FAM13C: variants seen among roughly 807,000 people sequenced by gnomAD.
FAM13C encodes family with sequence similarity 13 member C.
Under a neutral mutation model 73.2 loss-of-function variants are expected in FAM13C, and 37 were observed. The observed-to-expected ratio is 0.51, with a 90% CI of 0.39 to 0.67. The LOEUF (loss-of-function observed/expected upper bound fraction) is 0.67, where lower values mean the gene tolerates loss of function less well. Among genes scored for constraint, FAM13C ranks in the 30% least tolerant of loss-of-function variants. The probability of loss-of-function intolerance (pLI) is 0.00; values close to 1 mark genes in which losing one functional copy is unlikely to be tolerated. For synonymous variants in FAM13C, 246 were observed against 260.9 expected, an observed-to-expected ratio of 0.94 and a Z score of 0.55; for missense variants, 589 against 715.6, an observed-to-expected ratio of 0.82 and a Z score of 2.02.
chr10:59,315,052 G>T (rs1018133409), intron 4 of FAM13C, among the ~76,000 whole-genome samples: 2 of 152,102 alleles, frequency 1.3e-5, no homozygotes, highest in African/African-American at 2.4e-5. Context: ...AGTCATGTCT[G>T]TCCCAAAGTA....
At chr10:59,339,801 G>C (rs1853255409) in intron 3 of FAM13C, among the ~76,000 whole-genome samples, 1 of 152,132 alleles carries the variant, frequency 6.6e-6, no homozygotes, top group African/African-American at 2.4e-5. Flanking sequence ...GCATAGGGCA[G>C]GTTGTTTTCA....
chr10:59,265,319 T>TG (rs1554811296), intron 8 of FAM13C, among the ~76,000 whole-genome samples: 1 of 2,292 alleles, frequency 4.4e-4, no homozygotes, highest in African/African-American at 5.2e-4. Flanking sequence ...GAAGGGGTTT[T>TG]GGCGGGGGGG....
At chr10:59,317,850 C>G (rs1849725615) in intron 4 of FAM13C, among the ~76,000 whole-genome samples, 1 of 151,994 alleles carries the variant, frequency 6.6e-6, no homozygotes, top group South Asian at 2.1e-4. Context: ...CCCATTAACT[C>G]GTCATTTAGC....
At chr10:59,321,432 CTT>C (rs1057110939) in intron 4 of FAM13C, among the ~76,000 whole-genome samples, 36 of 58,096 alleles carry the variant, frequency 6.2e-4, no homozygotes, top group Middle Eastern at 0.01. Context: ...CTGCCAACAC[CTT>C]TTTTTTTTTT....
intron 2 of FAM13C, among the ~76,000 whole-genome samples, chr10:59,354,698 GA>G (rs920716822): frequency 5.3e-5 from 8 of 149,748 alleles, no homozygotes; most frequent in South Asian, 2.1e-4. Context: ...ATTTGCAAAG[GA>G]AAAAAAAAGG....
At chr10:59,317,754 A>AT (rs1849713498) in intron 4 of FAM13C, among the ~76,000 whole-genome samples, 1 of 151,330 alleles carries the variant, frequency 6.6e-6, no homozygotes, top group Non-Finnish European at 1.5e-5. Flanking sequence ...TTCTTTTATT[A>AT]TTATTATACT....
intron 5 of FAM13C, among the ~76,000 whole-genome samples, chr10:59,294,917 G>A (rs1846713666): frequency 6.6e-6 from 1 of 152,180 alleles, no homozygotes; most frequent in Admixed American, 6.5e-5. Context: ...AATTACCTTG[G>A]AGATCATGCT....
At chr10:59,348,914 GT>G (rs1474380729) in intron 3 of FAM13C, among the ~76,000 whole-genome samples, 2 of 152,140 alleles carry the variant, frequency 1.3e-5, no homozygotes, top group African/African-American at 4.8e-5. Flanking sequence ...GATTACAGGC[GT>G]GAGCCACAAT....
At chr10:59,316,718 C>T (rs284627) in intron 4 of FAM13C, among the ~76,000 whole-genome samples, 149,550 of 152,296 alleles carry the variant, frequency 0.98, 73,472 homozygotes, top group Non-Finnish European at 1. Context: ...AAAGGTACAG[C>T]AAAAATATGG....
intron 3 of FAM13C, among the ~76,000 whole-genome samples, chr10:59,341,693 GA>G (rs1295045318): frequency 6.6e-6 from 1 of 151,790 alleles, no homozygotes; most frequent in East Asian, 1.9e-4. Flanking sequence ...CCTCCTTCTC[GA>G]AAAAAGGAAA....
At chr10:59,252,022 G>A (rs1038713294) in intron 12 of FAM13C, among the ~76,000 whole-genome samples, 2 of 152,128 alleles carry the variant, frequency 1.3e-5, no homozygotes, top group Non-Finnish European at 2.9e-5. Flanking sequence ...GTCATAGACT[G>A]AACATAAGAG....
In FAM13C at chr10:59,361,155, T is replaced by C. The variant is rs565928383; in HGVS notation, c.62+1244A>G. ...CAGCACAGGTTACCAAGCAATCTTA[T>C]AAACAGAATGTGGGTCCAAATGAGT... is the stretch of plus-strand genomic sequence containing the variant. On this transcript the variant is annotated intron_variant, in intron 1 of 13. Coordinates refer to ENST00000618804, the MANE Select transcript of FAM13C (RefSeq NM_198215.4). The C allele has an allele frequency of 4.6e-5, 57 of 1,238,648 alleles. No homozygotes were observed. The South Asian group carries it at 6.3e-4, about 14-fold the overall frequency. 76.7% of individuals were successfully genotyped at this position (1,238,648 alleles called of 1,614,324 possible).
chr10:59,268,313 A>G (rs940342057), intron 8 of FAM13C, among the ~76,000 whole-genome samples: 1 of 152,210 alleles, frequency 6.6e-6, no homozygotes, highest in Non-Finnish European at 1.5e-5. Flanking sequence ...TCAATAATCA[A>G]ATAAGTTTGG....
In FAM13C at chr10:59,332,175, T is replaced by C. The variant is rs1483156079; in HGVS notation, c.325-8069A>G. On this transcript the variant is annotated intron_variant, in intron 3 of 13. Transcript: ENST00000618804. ...TTAAATCAAAACTCAAGCTGCAAAA[T>C]AATGTATATATAGTAAGAACCCACA... 2.6e-5 allele frequency among the ~76,000 whole-genome samples: 4 copies of C among 152,100 alleles called. No individual in the cohort carries two copies. In the East Asian group the frequency reaches 5.8e-4, roughly 22 times the overall value.
chr10:59,362,752 C>A (rs1856561258), upstream of FAM13C: 2 of 488,392 alleles, frequency 4.1e-6, no homozygotes, highest in Non-Finnish European at 7.0e-6. Context: ...ACCACACGAC[C>A]CCGACCTCGC....
intron 5 of FAM13C, among the ~76,000 whole-genome samples, chr10:59,301,996 C>A (rs976866751): frequency 6.9e-6 from 1 of 144,732 alleles, no homozygotes; most frequent in Non-Finnish European, 1.5e-5. Context: ...GGAAGGGATG[C>A]ATCTTCAAAA....
At chr10:59,293,069 C>CTTTTTTTT (rs148715812) in intron 5 of FAM13C, among the ~76,000 whole-genome samples, 4,191 of 109,180 alleles carry the variant, frequency 0.038, 15 homozygotes, top group Non-Finnish European at 0.046. Context: ...TTTTCTTTTT[C>CTTTTTTTT]TTTTTTTTTT....
rs59965630 is a variant in FAM13C, at chr10:59,319,072, AACACACACACACACACACACACAC to A, written c.443+4892_443+4915del. Among the ~76,000 whole-genome samples, 24 of 134,658 alleles carry A rather than the reference AACACACACACACACACACACACAC, an allele frequency of 1.8e-4. No homozygotes were observed. In the East Asian group the frequency reaches 2.7e-3, roughly 15 times the overall value. 88.3% of individuals were successfully genotyped at this position (134,658 alleles called of 152,430 possible). ...TAAGTAAGAAACAATTAGCTATTCA[AACACACACACACACACACACACAC>A]ACACACACACACACACACACACATT... On this transcript the variant is annotated intron_variant, in intron 4 of 13. Transcript: ENST00000618804.
intron 3 of FAM13C, among the ~76,000 whole-genome samples, chr10:59,336,469 AT>A (rs1852741877): frequency 6.6e-6 from 1 of 152,060 alleles, no homozygotes; most frequent in South Asian, 2.1e-4. Context: ...CTCAGATCTC[AT>A]TTCTTGCTGC....
Sources: gnomAD v4.1 joint callset for allele counts (sites outside exome capture counted in the v4.1 genomes callset) on GRCh38, gnomAD v4.1.1 for gene constraint, MANE v1.5 for transcripts, NCBI Gene and HGNC (gene_info 2026-07-23, HGNC 2026-07-21) for gene names.